The following CYP26B1 variants were observed in gnomAD, a reference collection of about 807,000 sequenced individuals.
CYP26B1 encodes cytochrome P450 26B1.
CYP26B1 carries 8 observed loss-of-function variants against 39.1 expected under a neutral mutation model. The observed-to-expected ratio is 0.20, with a 90% CI of 0.12 to 0.37. The LOEUF is 0.37. Ranked by LOEUF, CYP26B1 falls within the 10% of genes least tolerant of loss-of-function variation. CYP26B1 has a pLI of 1.00. For synonymous variants in CYP26B1, 321 were observed against 314.3 expected, an observed-to-expected ratio of 1.02 and a Z score of -0.23; for missense variants, 615 against 707.0, an observed-to-expected ratio of 0.87 and a Z score of 1.48.
chr2:72,137,412 C>T (rs945399978), intron 2 of CYP26B1, among the ~76,000 whole-genome samples: 15 of 152,216 alleles, frequency 9.9e-5, no homozygotes, highest in African/African-American at 3.4e-4. Context: ...AGCACCTAAA[C>T]ACCAGCACCC....
intron 2 of CYP26B1, among the ~76,000 whole-genome samples, chr2:72,142,264 GACAACGCCCTC>G (rs1676965162): frequency 6.6e-6 from 1 of 152,154 alleles, no homozygotes; most frequent in South Asian, 2.1e-4. Flanking sequence ...GGAACCCCAA[GACAACGCCCTC>G]ACCCCAAAGC....
At chr2:72,143,118 A>T (rs1368975771) in intron 2 of CYP26B1, 1 of 166,486 alleles carries the variant, frequency 6.0e-6, no homozygotes, top group African/African-American at 2.4e-5. Flanking sequence ...TTAGGTTTCA[A>T]ACCTGGGTGA....
At chr2:72,137,015 A>G (rs1032793055) in intron 2 of CYP26B1, among the ~76,000 whole-genome samples, 13 of 152,216 alleles carry the variant, frequency 8.5e-5, no homozygotes, top group Non-Finnish European at 1.0e-4. Context: ...CCAGGCCTCC[A>G]TGGCGGGACA....
intron 4 of CYP26B1, 116 bp from the exon 5 acceptor site, chr2:72,133,423 C>T (rs1676660525): frequency 2.2e-6 from 3 of 1,338,666 alleles, no homozygotes; most frequent in African/African-American, 2.9e-5. Context: ...CTGCCTGGTT[C>T]CTGCAGTGAA....
intron 5 of CYP26B1, 85 bp from the exon 6 acceptor site, chr2:72,132,704 C>A: frequency 6.6e-7 from 1 of 1,518,316 alleles, no homozygotes; most frequent in South Asian, 1.3e-5. Context: ...CCCTGCTCAG[C>A]CCCAGATGTT....
intron 2 of CYP26B1, among the ~76,000 whole-genome samples, chr2:72,141,403 G>A (rs1301204297): frequency 2.0e-5 from 3 of 152,188 alleles, no homozygotes; most frequent in African/African-American, 7.2e-5. Context: ...GTGCAGTGAC[G>A]GCAGTGAGAA....
intron 4 of CYP26B1, among the ~76,000 whole-genome samples, chr2:72,133,942 G>A (rs191344923): frequency 1.3e-5 from 2 of 152,298 alleles, no homozygotes; most frequent in East Asian, 3.9e-4. Context: ...CCACAGAAAG[G>A]CCCCAGCAGG....
Position 72,132,296 on chromosome 2 carries a change from G to A in CYP26B1, c.1470C>T (p.Phe490=). 1 of 1,606,728 alleles carries A rather than the reference G, an allele frequency of 6.2e-7. No homozygotes were observed. Among genetic ancestry groups the A allele is most frequent in the South Asian group, 1.1e-5 (1 of 89,674 alleles). Residue 490 remains phenylalanine (F), a synonymous_variant, in exon 6 of 6, where the codon TTC becomes TTT. Coordinates refer to ENST00000001146, the MANE Select transcript of CYP26B1 (RefSeq NM_019885.4). Reference sequence around the variant, plus strand: ...CGTTCTGGTTGGAGTCCAGGCCAAAGAACTTGACGCTGAGGCCATCCACGG... The same window carrying A: ...CGTTCTGGTTGGAGTCCAGGCCAAAAAACTTGACGCTGAGGCCATCCACGG... ...LHPVDGLSVK[F]FGLDSNQNEI... is the part of the protein sequence containing the mutation.
intron 2 of CYP26B1, among the ~76,000 whole-genome samples, chr2:72,138,367 C>T (rs1270132681): frequency 2.6e-5 from 4 of 152,050 alleles, no homozygotes; most frequent in Non-Finnish European, 4.4e-5. Flanking sequence ...GCGGCCAGGG[C>T]GGCGTCAGGG....
chr2:72,146,583 C>G (rs967849339), intron 1 of CYP26B1, among the ~76,000 whole-genome samples: 1 of 152,386 alleles, frequency 6.6e-6, no homozygotes, highest in South Asian at 2.1e-4. Context: ...TCAAGCCAAG[C>G]TTTCGCACCT....
rs376643612 is a variant in CYP26B1, at chr2:72,132,213, G to C, written c.*14C>G. On this transcript the variant is annotated 3_prime_UTR_variant, in exon 6 of 6. Transcript: ENST00000001146. ...CCCGCTGCCTGGGCTGGGCTGAGGC[G>C]GGTGGGTCTTGGGTTAGACTGTGGC... The C allele has an allele frequency of 6.3e-7, 1 of 1,594,944 alleles. No homozygotes were observed. The highest frequency in any genetic ancestry group is 8.5e-7 in the Non-Finnish European group (1 of 1,171,626).
rs758309984 is a variant in CYP26B1 at position 72,131,826 on chromosome 2, C to T, written c.*401G>A. 6 of 198,190 alleles carry T rather than the reference C, an allele frequency of 3.0e-5. No individual in the cohort carries two copies. Among genetic ancestry groups the T allele is most frequent in the Admixed American group, 5.5e-5 (1 of 18,114 alleles). 12.3% of individuals were successfully genotyped at this position (198,190 alleles called of 1,614,324 possible). A position where few individuals can be genotyped will look rare whatever the true frequency, so the allele number is the denominator to read the frequency against. On this transcript the variant is annotated 3_prime_UTR_variant, in exon 6 of 6. Coordinates refer to ENST00000001146, the MANE Select transcript of CYP26B1 (RefSeq NM_019885.4). ...CAGGAGGAGGAGACGCTGAAGAGTG[C>T]GCCCAAGGGGGCACGGCTCTTCCCG...
At chr2:72,134,444 T>G (rs1676695942) in intron 4 of CYP26B1, among the ~76,000 whole-genome samples, 1 of 152,168 alleles carries the variant, frequency 6.6e-6, no homozygotes. Flanking sequence ...AGCAAGTGGT[T>G]TCCCCTTGTG....
intron 2 of CYP26B1, among the ~76,000 whole-genome samples, chr2:72,138,451 C>A (rs977726489): frequency 6.6e-6 from 1 of 152,212 alleles, no homozygotes; most frequent in African/African-American, 2.4e-5. Flanking sequence ...GGAGCGGCTC[C>A]CTGTGAAGAG....
intron 2 of CYP26B1, chr2:72,143,219 G>C (rs1392233508): frequency 2.0e-5 from 3 of 153,134 alleles, no homozygotes; most frequent in African/African-American, 4.8e-5. Flanking sequence ...CTCCGCTTTC[G>C]GGTTACTGCA....
rs898905421 is a variant in CYP26B1, at chr2:72,144,007, G to T, written c.411C>A (p.Ile137=). The T allele has an allele frequency of 1.0e-4, 167 of 1,613,482 alleles. No individual in the cohort carries two copies. Among genetic ancestry groups the T allele is most frequent in the Non-Finnish European group, 1.3e-4 (157 of 1,180,030 alleles). ...PNTVSNSIGD[I]HRNKRKVFSK... is the part of the protein sequence containing the mutation. ...TTCTTACCTTGCGCTTGTTGCGGTG[G>T]ATGTCGCCAATGGAATTGGACACCG... The change falls in exon 2 of 6, where the codon ATC becomes ATA. Residue 137 remains isoleucine, a synonymous_variant. Transcript: ENST00000001146.
intron 1 of CYP26B1, 164 bp from the exon 2 acceptor site, chr2:72,144,377 A>G (rs1677055396): frequency 2.8e-6 from 4 of 1,435,510 alleles, no homozygotes; most frequent in Non-Finnish European, 2.7e-6. Flanking sequence ...AGCGTGCACA[A>G]GAACTGCGAA....
rs1393176805 is a variant in CYP26B1 at position 72,132,150 on chromosome 2, C to T, written c.*77G>A. 2.1e-5 allele frequency: 31 copies of T among 1,507,716 alleles called. No individual in the cohort carries two copies. The highest frequency in any genetic ancestry group is 9.0e-7 in the Non-Finnish European group (1 of 1,110,246). The allele number at this position is 1,507,716 out of a possible 1,614,324, so 93.4% of individuals were successfully genotyped here. On this transcript the variant is annotated 3_prime_UTR_variant, in exon 6 of 6. Transcript: ENST00000001146. ...CCACTCGCCCTCCCCGTTCCGGCCC[C>T]CTCCCACACACAGGTTTCTACCTCC... is the stretch of plus-strand genomic sequence containing the variant.
intron 1 of CYP26B1, chr2:72,144,489 C>T (rs1387707690): frequency 2.4e-6 from 3 of 1,232,136 alleles, no homozygotes; most frequent in East Asian, 6.7e-5. Flanking sequence ...AAGAGGTATC[C>T]CGGACAGCTG....
Sources: allele counts gnomAD v4.1 joint callset (sites outside exome capture counted in the v4.1 genomes callset), GRCh38; gene constraint gnomAD v4.1.1; transcripts MANE v1.5; gene names NCBI Gene and HGNC (gene_info 2026-07-23, HGNC 2026-07-21).